FAM117A: variants seen among roughly 807,000 people sequenced by gnomAD.
FAM117A encodes the protein protein FAM117A.
FAM117A carries 21 observed loss-of-function variants against 44.1 expected under a neutral mutation model. The ratio of observed to expected loss-of-function variants is 0.48; its 90% confidence interval spans 0.34 to 0.69. The LOEUF (loss-of-function observed/expected upper bound fraction) is 0.69. Among genes scored for constraint, FAM117A ranks in the 30% least tolerant of loss-of-function variants. The probability of loss-of-function intolerance (pLI) is 0.01; values close to 1 mark genes in which losing one functional copy is unlikely to be tolerated. For synonymous variants in FAM117A, 220 were observed against 238.3 expected, an observed-to-expected ratio of 0.92 and a Z score of 0.71; for missense variants, 498 against 589.9, an observed-to-expected ratio of 0.84 and a Z score of 1.61.
chr17:49,736,214 AATG>A (rs2073609881), intron 1 of FAM117A, among the ~76,000 whole-genome samples: 1 of 151,990 alleles, frequency 6.6e-6, no homozygotes, highest in South Asian at 2.1e-4. Context: ...CATCATTTTA[AATG>A]ATATTAACAT....
Position 49,720,341 on chromosome 17 carries a change from C to T in FAM117A, c.558G>A (p.Val186=), listed in dbSNP as rs1428924310. The part of the protein sequence containing the change: ...RGSPLLGDHA[V]RGALRASPPS... Reference sequence around the variant, plus strand: ...GAAAACATACCCTCAGTGCTCCCCGCACTGCGTGGTCCCCTAGGAGTGGTG... The same window carrying T: ...GAAAACATACCCTCAGTGCTCCCCGTACTGCGTGGTCCCCTAGGAGTGGTG... Residue 186 remains valine, a synonymous_variant, in exon 4 of 8, where the codon GTG becomes GTA. Transcript: ENST00000240364. 6.2e-7 allele frequency: 1 copy of T among 1,613,508 alleles called. No homozygotes were observed. The highest frequency in any genetic ancestry group is 8.5e-7 in the Non-Finnish European group (1 of 1,179,810).
chr17:49,758,098 G>T (rs998948015), intron 1 of FAM117A, among the ~76,000 whole-genome samples: 32 of 152,262 alleles, frequency 2.1e-4, no homozygotes, highest in Middle Eastern at 3.4e-3. Context: ...GGTGGCCAAG[G>T]CAGGTGGATC....
At chr17:49,717,790 T>G in intron 5 of FAM117A, 76 bp from the exon 6 acceptor site, 343 of 1,186,600 alleles carry the variant, frequency 2.9e-4, no homozygotes, top group Non-Finnish European at 3.7e-4. Flanking sequence ...CCCAAGGGTA[T>G]TTCCCTTGCT....
intron 1 of FAM117A, among the ~76,000 whole-genome samples, chr17:49,743,400 G>A (rs866908127): frequency 6.6e-6 from 1 of 151,890 alleles, no homozygotes; most frequent in African/African-American, 2.4e-5. Flanking sequence ...GCTTGAGACC[G>A]ACCTGGGCAA....
At chr17:49,739,933 C>G (rs1199168859) in intron 1 of FAM117A, among the ~76,000 whole-genome samples, 1 of 152,244 alleles carries the variant, frequency 6.6e-6, no homozygotes, top group Non-Finnish European at 1.5e-5. Context: ...GGCCATTTCA[C>G]CATGCAGCTG....
In FAM117A at chr17:49,764,129, C is replaced by A; in HGVS notation, c.-42G>T. On this transcript the variant is annotated 5_prime_UTR_variant, in exon 1 of 8. Coordinates refer to ENST00000240364, the MANE Select transcript of FAM117A (RefSeq NM_030802.4). ...TGCCTCAGCCCCACTGCGAGACTCA[C>A]ACAGCCCCCCAACCCCCGAGGCCGC... 1 of 1,049,422 alleles carries A rather than the reference C, an allele frequency of 9.5e-7. No homozygotes were observed. Among genetic ancestry groups the A allele is most frequent in the Non-Finnish European group, 1.2e-6 (1 of 803,604 alleles). 65.0% of individuals were successfully genotyped at this position (1,049,422 alleles called of 1,614,324 possible). A position where few individuals can be genotyped will look rare whatever the true frequency, so the allele number is the denominator to read the frequency against.
chr17:49,718,884 G>A (rs1357361663), intron 5 of FAM117A, among the ~76,000 whole-genome samples: 2 of 151,158 alleles, frequency 1.3e-5, no homozygotes, highest in Non-Finnish European at 3.0e-5. Context: ...GGCTATGGAA[G>A]GGGAATTGCT....
chr17:49,732,359 C>G (rs1034757312), intron 2 of FAM117A, 192 bp downstream of exon 2: 7 of 495,332 alleles, frequency 1.4e-5, no homozygotes, highest in Non-Finnish European at 2.2e-5. Context: ...GAGCCAAGAT[C>G]GCACCACTGC....
At chr17:49,738,865 G>A (rs185600225) in intron 1 of FAM117A, among the ~76,000 whole-genome samples, 6 of 152,232 alleles carry the variant, frequency 3.9e-5, no homozygotes, top group East Asian at 3.9e-4. Context: ...AAACCTCATC[G>A]CAAGTGGTTT....
In FAM117A at chr17:49,717,682, T is replaced by C. The variant is rs757926166; in HGVS notation, c.741A>G (p.Pro247=). The C allele has an allele frequency of 3.1e-6, 5 of 1,612,528 alleles. No homozygotes were observed. Among genetic ancestry groups the C allele is most frequent in the South Asian group, 1.1e-5 (1 of 90,978 alleles). ...ILDIPDGHRA[P]APPQSGSCDH... is the part of the protein sequence containing the mutation. Reference sequence around the variant, plus strand: ...CACAGCTGCCACTCTGGGGAGGAGCTGGGGCCCGGTGCCCATCAGGGATAT... The same window carrying C: ...CACAGCTGCCACTCTGGGGAGGAGCCGGGGCCCGGTGCCCATCAGGGATAT... Residue 247 remains proline (P), a synonymous_variant, in exon 6 of 8, where the codon CCA becomes CCG. Transcript: ENST00000240364.
chr17:49,717,462 C>A, intron 6 of FAM117A, 51 bp downstream of exon 6: 1 of 1,540,784 alleles, frequency 6.5e-7, no homozygotes, highest in Non-Finnish European at 8.9e-7. Context: ...GGGAGTGGAG[C>A]CACTCATGTG....
At chr17:49,745,870 C>A (rs1030901365) in intron 1 of FAM117A, among the ~76,000 whole-genome samples, 9 of 152,090 alleles carry the variant, frequency 5.9e-5, no homozygotes, top group Non-Finnish European at 1.0e-4. Context: ...GGGTTCTGAT[C>A]AAAAACAAAA....
chr17:49,788,945 C>T (rs1382045961), upstream of FAM117A: 2 of 1,179,222 alleles, frequency 1.7e-6, no homozygotes, highest in African/African-American at 1.6e-5. Context: ...TGGGTCCCAA[C>T]TTTCCGCTCC....
intron 2 of FAM117A, 38 bp downstream of exon 2, chr17:49,732,513 T>C (rs1011188322): frequency 6.2e-7 from 1 of 1,608,894 alleles, no homozygotes. Context: ...TCCCGCCCCA[T>C]CCTTATCCCT....
upstream of FAM117A, chr17:49,788,965 T>C: frequency 1.0e-6 from 1 of 966,926 alleles, no homozygotes; most frequent in Non-Finnish European, 1.5e-6. Context: ...CCCCGAACCT[T>C]GTTCAGCTAC....
chr17:49,742,681 T>C (rs538098388), intron 1 of FAM117A, among the ~76,000 whole-genome samples: 4 of 152,174 alleles, frequency 2.6e-5, no homozygotes, highest in South Asian at 4.1e-4. Flanking sequence ...CCTTACTCCA[T>C]GGTTATTTGG....
At chr17:49,771,875 C>T (rs181176957) in intron 1 of FAM117A, among the ~76,000 whole-genome samples, 16 of 152,220 alleles carry the variant, frequency 1.1e-4, no homozygotes, top group African/African-American at 3.6e-4. Flanking sequence ...TTCAAGTCTG[C>T]CTCAAAACTA....
At chr17:49,759,273 A>C (rs762817534) in intron 1 of FAM117A, among the ~76,000 whole-genome samples, 1 of 152,232 alleles carries the variant, frequency 6.6e-6, no homozygotes, top group Non-Finnish European at 1.5e-5. Context: ...TCCTTTGGGT[A>C]CCAAAGAGAT....
chr17:49,745,363 T>C (rs1348649970), intron 1 of FAM117A, among the ~76,000 whole-genome samples: 2 of 151,770 alleles, frequency 1.3e-5, no homozygotes, highest in African/African-American at 4.8e-5. Flanking sequence ...TCAGGAAGAG[T>C]TGTCAACAGA....
Sources: gnomAD v4.1 joint callset for allele counts (sites outside exome capture counted in the v4.1 genomes callset) on GRCh38, gnomAD v4.1.1 for gene constraint, MANE v1.5 for transcripts, NCBI Gene and HGNC (gene_info 2026-07-23, HGNC 2026-07-21) for gene names.